Variants in PUM1 observed in about 807,000 individuals in gnomAD.
The protein encoded by PUM1 is pumilio homolog 1.
In PUM1, 13 loss-of-function variants were observed where a neutral mutation model predicts 131.8. The ratio of observed to expected loss-of-function variants is 0.10; its 90% CI spans 0.06 to 0.16. The LOEUF is 0.16. Ranked by LOEUF, PUM1 falls within the 10% of genes least tolerant of loss-of-function variation. The pLI is 1.00. For missense variants in PUM1, 961 were observed against 1,512.4 expected, an observed-to-expected ratio of 0.64 and a Z score of 6.05; for synonymous variants, 509 against 556.5, an observed-to-expected ratio of 0.91 and a Z score of 1.20.
rs949858238 is a variant in PUM1, at chr1:31,043,589, T to C, written c.364-14725A>G. ...TTAATGAACTGTCCCCTTGTTAAAA[T>C]TCTTAGGGAACTTGCTTTAATAAAG... On this transcript the variant is annotated intron_variant, in intron 2 of 21. Coordinates refer to ENST00000426105, the MANE Select transcript of PUM1 (RefSeq NM_001020658.2). Among the ~76,000 whole-genome samples the C allele has an allele frequency of 5.9e-5, 9 of 152,150 alleles. No homozygotes were observed. The East Asian group carries it at 1.7e-3, about 29-fold the overall frequency.
chr1:30,943,382 C>T (rs1431756915), intron 18 of PUM1, among the ~76,000 whole-genome samples: 3 of 152,138 alleles, frequency 2.0e-5, no homozygotes, highest in Non-Finnish European at 4.4e-5. Context: ...CCTGCTTCAG[C>T]CTCCCAAGTA....
chr1:30,967,344 G>A, intron 11 of PUM1, 34 bp from the exon 12 acceptor site: 3 of 1,591,444 alleles, frequency 1.9e-6, no homozygotes, highest in Non-Finnish European at 2.6e-6. Context: ...AAATGTATAT[G>A]TTAAACAAAC....
intron 16 of PUM1, among the ~76,000 whole-genome samples, chr1:30,951,926 CCTT>C (rs1639951855): frequency 1.3e-5 from 2 of 152,176 alleles, no homozygotes; most frequent in Admixed American, 6.5e-5. Context: ...ATTATTTCCT[CCTT>C]AAGTGACACG....
rs764873734 is a variant in PUM1 at position 31,007,000 on chromosome 1, T to C, written c.535A>G (p.Thr179Ala). The change falls in exon 4 of 22, where the codon ACA (threonine) becomes GCA (alanine). Residue 179 changes from threonine to alanine, a missense_variant. This residue lies in a region of PUM1 where 654 missense variants were observed against 923.9 expected (regional missense o/e 0.71). Coordinates refer to ENST00000426105, the MANE Select transcript of PUM1 (RefSeq NM_001020658.2). ...GATGCTAGATCTAGATTACCTGATG[T>C]TCCCCAGGCACTGTCTCGCCATTGA... ...GDQWRDSAWG[T>A]SDHSVSQPIM... 2 of 1,611,844 alleles carry C rather than the reference T, an allele frequency of 1.2e-6. No homozygotes were observed. The highest frequency in any genetic ancestry group is 1.7e-6 in the Non-Finnish European group (2 of 1,177,994).
intron 1 of PUM1, among the ~76,000 whole-genome samples, chr1:31,060,182 C>T (rs1644336924): frequency 1.4e-5 from 2 of 147,828 alleles, no homozygotes; most frequent in South Asian, 2.4e-4. Context: ...CAACTTCGGC[C>T]GGGTGTGGTG....
chr1:31,013,519 C>G (rs1191471491), intron 3 of PUM1, among the ~76,000 whole-genome samples: 6 of 152,198 alleles, frequency 3.9e-5, no homozygotes, highest in Non-Finnish European at 8.8e-5. Context: ...TCTAGCATCT[C>G]TAACTTACAA....
chr1:31,035,709 C>T (rs1434398734), intron 2 of PUM1, among the ~76,000 whole-genome samples: 2 of 152,010 alleles, frequency 1.3e-5, no homozygotes, highest in Non-Finnish European at 2.9e-5. Context: ...CGAGATAGCG[C>T]CACTGCACTC....
chr1:31,032,384 A>T lies in PUM1; in HGVS notation c.364-3520T>A, dbSNP rs78483362. 4.8e-3 allele frequency among the ~76,000 whole-genome samples: 730 copies of T among 152,320 alleles called. 30 individuals carry two copies. The East Asian group carries it at 0.1, about 21-fold the overall frequency. The stretch of plus-strand genomic sequence containing the variant: ...GGAGAAGTATTTTCCATGATAAAGG[A>T]GAAAAGCTAGCTGTCAATTATAATC... On this transcript the variant is annotated intron_variant, in intron 2 of 21. Transcript: ENST00000426105.
At position 30,964,823 on chromosome 1, in the gene PUM1, G is replaced by T. The variant is rs1640554560; in HGVS notation, c.2174C>A (p.Thr725Asn). The change falls in exon 14 of 22, where the codon ACC becomes AAC. Residue 725 changes from threonine to asparagine, a missense_variant. By Grantham distance (65) the Thr-to-Asn change is moderately conservative (BLOSUM62 0). This residue lies in a region of PUM1 where 654 missense variants were observed against 923.9 expected (regional missense o/e 0.71). Coordinates refer to ENST00000426105, the MANE Select transcript of PUM1 (RefSeq NM_001020658.2). ...DLYKRTSSSLTPIGHSFYNGL... is the reference protein window; with the variant it reads ...DLYKRTSSSLNPIGHSFYNGL... ...GTTATAAAAACTGTGTCCAATGGGG[G>T]TCAAGCTGCTCGATGTCCTCTTATA... 1 of 1,614,152 alleles carries T rather than the reference G, an allele frequency of 6.2e-7. No homozygotes were observed. The highest frequency in any genetic ancestry group is 8.5e-7 in the Non-Finnish European group (1 of 1,180,024).
In PUM1 at chr1:30,965,973, A is replaced by T. The variant is rs1640605394; in HGVS notation, c.2086+9T>A. Reference sequence around the variant, plus strand: ...TTCAGTCTTAAGAGCATATCAGTCTAATTTCTACCTGCTGTTCCAAACCCT... The same window carrying T: ...TTCAGTCTTAAGAGCATATCAGTCTTATTTCTACCTGCTGTTCCAAACCCT... On this transcript the variant is annotated intron_variant, in intron 13 of 21. Coordinates refer to ENST00000426105, the MANE Select transcript of PUM1 (RefSeq NM_001020658.2). 6.2e-7 allele frequency: 1 copy of T among 1,605,994 alleles called. No homozygotes were observed. Among genetic ancestry groups the T allele is most frequent in the Non-Finnish European group, 8.5e-7 (1 of 1,176,436 alleles).
At chr1:31,037,589 G>A (rs953696407) in intron 2 of PUM1, among the ~76,000 whole-genome samples, 4 of 150,964 alleles carry the variant, frequency 2.6e-5, no homozygotes, top group South Asian at 2.1e-4. Flanking sequence ...GCGTGGTGGC[G>A]GGCACCTGTA....
At chr1:30,933,745 A>C (rs72884026) in intron 21 of PUM1, among the ~76,000 whole-genome samples, 60 of 152,306 alleles carry the variant, frequency 3.9e-4, no homozygotes, top group African/African-American at 1.4e-3. Context: ...GGCCCCATGC[A>C]CGGCATCCAG....
intron 3 of PUM1, among the ~76,000 whole-genome samples, chr1:31,019,083 T>C (rs1642926547): frequency 6.6e-6 from 1 of 152,230 alleles, no homozygotes; most frequent in South Asian, 2.1e-4. Flanking sequence ...TCGGGTGTGG[T>C]GGCTCATGCC....
At chr1:30,974,618 C>T in intron 10 of PUM1, 33 bp downstream of exon 10, 1 of 1,566,086 alleles carries the variant, frequency 6.4e-7, no homozygotes, top group Non-Finnish European at 8.7e-7. Context: ...CTACGATTCC[C>T]ACTTAGAAGA....
At chr1:30,938,411 C>T (rs1391851022) in intron 20 of PUM1, among the ~76,000 whole-genome samples, 2 of 152,184 alleles carry the variant, frequency 1.3e-5, no homozygotes, top group Non-Finnish European at 2.9e-5. Flanking sequence ...TGCCACCACG[C>T]CCAGCTAATT....
rs757734471 is a variant in PUM1 at position 30,933,243 on chromosome 1, G to A, written c.3535C>T (p.Pro1179Ser). Reference sequence around the variant, plus strand: ...ATACCATTAGGGGGGCCACAGATGGGCCCTAAGTCAACACCGTTCTTCATG... The same window carrying A: ...ATACCATTAGGGGGGCCACAGATGGACCCTAAGTCAACACCGTTCTTCATG... The part of the protein sequence containing the change: ...YYMKNGVDLG[P>S]ICGPPNGII The change falls in exon 22 of 22, where the codon CCC (proline) becomes TCC (serine). Residue 1179 changes from proline (P) to serine (S), a missense_variant. By Grantham distance (74) the Pro-to-Ser change is moderately conservative. Coordinates refer to ENST00000426105, the MANE Select transcript of PUM1 (RefSeq NM_001020658.2). 11 of 1,613,558 alleles carry A rather than the reference G, an allele frequency of 6.8e-6. No individual in the cohort carries two copies. In the South Asian group the frequency reaches 1.1e-4, roughly 16 times the overall value.
At chr1:31,017,355 T>C (rs987512136) in intron 3 of PUM1, among the ~76,000 whole-genome samples, 3 of 151,986 alleles carry the variant, frequency 2.0e-5, no homozygotes, top group Non-Finnish European at 4.4e-5. Flanking sequence ...ACCACACCAA[T>C]GAAGAAATGA....
At chr1:30,968,883 G>A (rs946736573) in intron 10 of PUM1, among the ~76,000 whole-genome samples, 2 of 152,196 alleles carry the variant, frequency 1.3e-5, no homozygotes, top group Non-Finnish European at 2.9e-5. Flanking sequence ...GGGCAAGTGA[G>A]ACAGAGCAAT....
chr1:30,975,007 A>G, intron 9 of PUM1: 1 of 373,518 alleles, frequency 2.7e-6, no homozygotes, highest in Non-Finnish European at 4.7e-6. Flanking sequence ...AATATAATCC[A>G]GGCCTAGAGG....
Sources: allele counts gnomAD v4.1 joint callset (sites outside exome capture counted in the v4.1 genomes callset), GRCh38; gene constraint gnomAD v4.1.1; regional missense constraint gnomAD v4.1.1; transcripts MANE v1.5; gene names NCBI Gene and HGNC (gene_info 2026-07-23, HGNC 2026-07-21).